Variants in FRRS1L observed in about 807,000 individuals in gnomAD.
The protein encoded by FRRS1L is DOMON domain-containing protein FRRS1L.
In FRRS1L, 22 loss-of-function variants were observed where a neutral mutation model predicts 28.6. The ratio of observed to expected loss-of-function variants is 0.77; its 90% CI spans 0.55 to 1.10. The LOEUF is 1.10. Ranked by LOEUF, FRRS1L falls within the 50% of genes least tolerant of loss-of-function variation. The pLI, the probability that FRRS1L is intolerant of heterozygous loss-of-function variation, is 0.00. For synonymous variants in FRRS1L, 158 were observed against 151.4 expected, an observed-to-expected ratio of 1.04 and a Z score of -0.32; for missense variants, 380 against 386.9, an observed-to-expected ratio of 0.98 and a Z score of 0.15.
rs1473887673 is a variant in FRRS1L at position 109,133,928 on chromosome 9, T to TCTA, written c.*3524_*3526dup. 1 of 152,218 alleles carries TCTA rather than the reference T, an allele frequency of 6.6e-6. No individual in the cohort carries two copies. The highest frequency in any genetic ancestry group is 1.5e-5 in the Non-Finnish European group (1 of 68,042). 9.4% of individuals were successfully genotyped at this position (152,218 alleles called of 1,614,324 possible). On this transcript the variant is annotated 3_prime_UTR_variant, in exon 5 of 5. Transcript: ENST00000561981. ...TTTTTGGAATTATCACTTCAGCATGTCTATCGACTGCTAGTTCTCTGAGAT... is the reference window on the plus strand; with the variant it reads ...TTTTTGGAATTATCACTTCAGCATGTCTACTATCGACTGCTAGTTCTCTGAGAT...
In FRRS1L at chr9:109,136,830, CAAAT is replaced by C. The variant is rs1205872312; in HGVS notation, c.*621_*624del. The C allele has an allele frequency of 6.6e-6, 1 of 152,170 alleles. No individual in the cohort carries two copies. The highest frequency in any genetic ancestry group is 1.5e-5 in the Non-Finnish European group (1 of 68,032). The allele number at this position is 152,170 out of a possible 1,614,324, so 9.4% of individuals were successfully genotyped here. ...GAGCCACCATGCTCGGCCAAAATTT[CAAAT>C]AAATATGAACTATTTTCATATCATT... On this transcript the variant is annotated 3_prime_UTR_variant, in exon 5 of 5. Transcript: ENST00000561981.
intron 1 of FRRS1L, among the ~76,000 whole-genome samples, chr9:109,158,649 T>C (rs904487627): frequency 2.1e-4 from 32 of 152,244 alleles, no homozygotes; most frequent in African/African-American, 7.0e-4. Context: ...GTTCATTACA[T>C]GGTAGCATGT....
At position 109,166,945 on chromosome 9, in the gene FRRS1L, G is replaced by T. The variant is rs1330869742; in HGVS notation, c.194C>A (p.Thr65Asn). 2 of 1,372,264 alleles carry T rather than the reference G, an allele frequency of 1.5e-6. No homozygotes were observed. The highest frequency in any genetic ancestry group is 3.0e-5 in the African/African-American group (2 of 66,906). The allele number at this position is 1,372,264 out of a possible 1,614,324, so 85.0% of individuals were successfully genotyped here. Residue 65 changes from threonine (T) to asparagine (N), a missense_variant, in exon 1 of 5, where the codon ACC (threonine) becomes AAC (asparagine). Thr to Asn is a moderately conservative substitution (Grantham distance 65, BLOSUM62 0). Transcript: ENST00000561981. Reference protein sequence around the residue: ...AVPRHDSSYGTFAGEFYDLRY... With the variant: ...AVPRHDSSYGNFAGEFYDLRY... ...CAGGTCGTAGAACTCCCCCGCGAAG[G>T]TGCCGTAGGAGGAGTCGTGGCGCGG...
intron 1 of FRRS1L, among the ~76,000 whole-genome samples, chr9:109,162,085 G>A (rs1401594428): frequency 6.6e-6 from 1 of 152,204 alleles, no homozygotes; most frequent in Non-Finnish European, 1.5e-5. Flanking sequence ...GGGGGCCAAG[G>A]CAGGCAGATC....
chr9:109,147,789 A>T (rs1831282579), intron 2 of FRRS1L: 1 of 152,470 alleles, frequency 6.6e-6, no homozygotes, highest in African/African-American at 2.4e-5. Context: ...ATCCGATTAG[A>T]TCGTGCAGGG....
intron 1 of FRRS1L, among the ~76,000 whole-genome samples, chr9:109,162,747 T>G (rs1292918065): frequency 1.3e-5 from 2 of 152,220 alleles, no homozygotes; most frequent in Non-Finnish European, 2.9e-5. Flanking sequence ...GTAAGTTATA[T>G]ATCCACATAC....
intron 2 of FRRS1L, among the ~76,000 whole-genome samples, chr9:109,149,287 G>A (rs1339724488): frequency 6.6e-6 from 1 of 152,194 alleles, no homozygotes; most frequent in Admixed American, 6.5e-5. Flanking sequence ...TACTAAACAT[G>A]TCTATCATTG....
At chr9:109,146,375 G>C (rs1043381662) in intron 3 of FRRS1L, among the ~76,000 whole-genome samples, 8 of 152,174 alleles carry the variant, frequency 5.3e-5, no homozygotes, top group African/African-American at 1.9e-4. Flanking sequence ...TGTGACGGGT[G>C]TCTGAAATGG....
chr9:109,163,754 G>A (rs1831507960), intron 1 of FRRS1L, among the ~76,000 whole-genome samples: 1 of 152,128 alleles, frequency 6.6e-6, no homozygotes, highest in South Asian at 2.1e-4. Context: ...CCTGCACAGA[G>A]GGAACAAGTA....
At chr9:109,156,982 T>C (rs1371561905) in intron 1 of FRRS1L, among the ~76,000 whole-genome samples, 1 of 152,190 alleles carries the variant, frequency 6.6e-6, no homozygotes, top group African/African-American at 2.4e-5. Context: ...GTCTAATCTT[T>C]CTTATTTTCT....
rs1158422190 is a variant in FRRS1L at position 109,145,202 on chromosome 9, A to G, written c.462+1849T>C. The stretch of plus-strand genomic sequence containing the variant: ...AATGGGGCTCCAGAGGAAAGAGAGA[A>G]AAACGCAGCAAGGCACAGGGAAGAG... On this transcript the variant is annotated intron_variant, in intron 3 of 4. Coordinates refer to ENST00000561981, the MANE Select transcript of FRRS1L (RefSeq NM_014334.4). 2.6e-5 allele frequency among the ~76,000 whole-genome samples: 4 copies of G among 152,188 alleles called. No individual in the cohort carries two copies. In the East Asian group the frequency reaches 7.7e-4, roughly 29 times the overall value.
intron 4 of FRRS1L, 47 bp from the exon 5 acceptor site, chr9:109,137,674 A>G (rs1304322043): frequency 7.9e-7 from 1 of 1,268,154 alleles, no homozygotes; most frequent in African/African-American, 1.5e-5. Context: ...AAAAGAACAG[A>G]TTTATAATGG....
intron 1 of FRRS1L, among the ~76,000 whole-genome samples, chr9:109,166,050 A>G (rs994200755): frequency 3.3e-5 from 5 of 152,370 alleles, no homozygotes; most frequent in African/African-American, 9.6e-5. Flanking sequence ...TAATCCTAAC[A>G]ACAGACACAT....
chr9:109,145,831 C>G (rs986749888), intron 3 of FRRS1L, among the ~76,000 whole-genome samples: 1 of 152,164 alleles, frequency 6.6e-6, no homozygotes, highest in East Asian at 1.9e-4. Context: ...ACTCCCTTCC[C>G]CATGCCTTCC....
intron 4 of FRRS1L, 158 bp downstream of exon 4, chr9:109,141,185 C>T: frequency 1.4e-6 from 1 of 707,406 alleles, no homozygotes; most frequent in East Asian, 2.7e-5. Flanking sequence ...ATAATAAGTC[C>T]ATTATAACCT....
At chr9:109,146,228 A>T (rs1046403747) in intron 3 of FRRS1L, among the ~76,000 whole-genome samples, 4 of 145,826 alleles carry the variant, frequency 2.7e-5, no homozygotes, top group Admixed American at 7.2e-5. Context: ...AATAAATTAA[A>T]TAAATAAATA....
At chr9:109,153,458 T>A (rs1831362466) in intron 1 of FRRS1L, among the ~76,000 whole-genome samples, 1 of 152,210 alleles carries the variant, frequency 6.6e-6, no homozygotes, top group African/African-American at 2.4e-5. Flanking sequence ...GGAGAAGGCA[T>A]GGAAACTCTG....
At chr9:109,140,003 A>G (rs1246292909) in intron 4 of FRRS1L, 1 of 152,240 alleles carries the variant, frequency 6.6e-6, no homozygotes, top group African/African-American at 2.4e-5. Context: ...AGGCTAATCA[A>G]CCAGAAGGAA....
intron 3 of FRRS1L, among the ~76,000 whole-genome samples, chr9:109,145,799 C>A (rs535170154): frequency 3.3e-5 from 5 of 152,156 alleles, no homozygotes; most frequent in Non-Finnish European, 7.4e-5. Flanking sequence ...GTAGCACACC[C>A]AACAGGGTGT....
Sources: allele counts gnomAD v4.1 joint callset (sites outside exome capture counted in the v4.1 genomes callset), GRCh38; gene constraint gnomAD v4.1.1; transcripts MANE v1.5; gene names NCBI Gene and HGNC (gene_info 2026-07-23, HGNC 2026-07-21).